LGSN: variants seen among roughly 807,000 people sequenced by gnomAD.
LGSN encodes lengsin, lens protein with glutamine synthetase domain, also known as lengsin.
A neutral mutation model predicts 19.5 loss-of-function variants in LGSN; 21 were observed. That is an observed-to-expected ratio of 1.07 (90% CI 0.76 to 1.55). LGSN has a LOEUF of 1.55. LGSN is among the 40% of genes most tolerant of loss of function. The pLI, the probability that LGSN is intolerant of heterozygous loss-of-function variation, is 0.00. For synonymous variants in LGSN, 257 were observed against 215.6 expected, an observed-to-expected ratio of 1.19 and a Z score of -1.68; for missense variants, 673 against 608.5, an observed-to-expected ratio of 1.11 and a Z score of -1.12.
chr6:63,400,051 G>A, the LGSN span, among the ~76,000 whole-genome samples: 1 of 152,020 alleles, frequency 6.6e-6, no homozygotes, highest in African/African-American at 2.4e-5. Context: ...TTTTGATATA[G>A]ACTTCAAATT....
chr6:63,331,863 C>T, the LGSN span, among the ~76,000 whole-genome samples: 5 of 152,148 alleles, frequency 3.3e-5, no homozygotes, highest in African/African-American at 9.6e-5. Flanking sequence ...ATTTAGTGGC[C>T]CATACCGACG....
At chr6:63,322,730 A>T (rs1228309666), upstream of LGSN, among the ~76,000 whole-genome samples, 1 of 152,220 alleles carries the variant, frequency 6.6e-6, no homozygotes, top group Non-Finnish European at 1.5e-5. Flanking sequence ...TCCCAGAAAT[A>T]CCTCATTTTC....
At chr6:63,432,175 GAAAGAAAGA>G in the LGSN span, among the ~76,000 whole-genome samples, 6 of 16,892 alleles carry the variant, frequency 3.6e-4, 1 homozygote, top group Non-Finnish European at 6.4e-4. Flanking sequence ...GAAAGAAAAG[GAAAGAAAGA>G]AAAGAAAAGA....
chr6:63,393,584 A>C, the LGSN span, among the ~76,000 whole-genome samples: 1 of 152,194 alleles, frequency 6.6e-6, no homozygotes, highest in African/African-American at 2.4e-5. Flanking sequence ...TCTTACCACA[A>C]GCACTATGAA....
At chr6:63,559,144 T>G in the LGSN span, among the ~76,000 whole-genome samples, 2 of 152,196 alleles carry the variant, frequency 1.3e-5, no homozygotes, top group African/African-American at 4.8e-5. Context: ...AATCAACAAG[T>G]TTGACTTCAC....
the LGSN span, among the ~76,000 whole-genome samples, chr6:63,328,983 T>A: frequency 6.6e-6 from 1 of 152,210 alleles, no homozygotes; most frequent in African/African-American, 2.4e-5. Context: ...AGGGCCCTGG[T>A]CCCTCTGGCT....
the LGSN span, among the ~76,000 whole-genome samples, chr6:63,461,401 T>C: frequency 6.6e-6 from 1 of 152,192 alleles, no homozygotes; most frequent in African/African-American, 2.4e-5. Context: ...TACTCCCTCA[T>C]CCTGAGATTT....
the LGSN span, among the ~76,000 whole-genome samples, chr6:63,401,535 T>C: frequency 6.6e-6 from 1 of 151,908 alleles, no homozygotes; most frequent in South Asian, 2.1e-4. Flanking sequence ...GGACAGAAAA[T>C]TTTGAGGTTA....
chr6:63,360,566 C>A, the LGSN span, among the ~76,000 whole-genome samples: 1 of 151,808 alleles, frequency 6.6e-6, no homozygotes, highest in African/African-American at 2.4e-5. Flanking sequence ...TTCATCTAAT[C>A]TTAAGGTTTT....
chr6:63,381,015 G>A, the LGSN span, among the ~76,000 whole-genome samples: 5 of 152,110 alleles, frequency 3.3e-5, no homozygotes, highest in East Asian at 3.9e-4. Context: ...TGGGCAACAC[G>A]GCAAAACCTC....
the LGSN span, chr6:63,549,347 C>G: frequency 1.7e-5 from 13 of 754,472 alleles, no homozygotes; most frequent in Non-Finnish European, 2.9e-5. Context: ...GGCCATTTCA[C>G]AAAGCTGGTT....
At chr6:63,390,875 A>T in the LGSN span, among the ~76,000 whole-genome samples, 6 of 148,820 alleles carry the variant, frequency 4.0e-5, no homozygotes, top group Non-Finnish European at 8.8e-5. Flanking sequence ...AAAAAAAAAA[A>T]AAGAAAAGAA....
the LGSN span, among the ~76,000 whole-genome samples, chr6:63,508,292 T>C: frequency 2.6e-5 from 4 of 152,204 alleles, no homozygotes; most frequent in East Asian, 1.9e-4. Context: ...AAACTGGTTA[T>C]AGAGATAGCC....
chr6:63,287,396 A>G (rs1212255758), intron 2 of LGSN, among the ~76,000 whole-genome samples: 1 of 152,200 alleles, frequency 6.6e-6, no homozygotes. Flanking sequence ...TAGGCATTTT[A>G]AAATATGGAA....
At chr6:63,298,885 C>T (rs1482335681) in intron 1 of LGSN, among the ~76,000 whole-genome samples, 2 of 152,138 alleles carry the variant, frequency 1.3e-5, no homozygotes, top group South Asian at 2.1e-4. Context: ...TTTTAAAAGC[C>T]TTTCAAAAGG....
chr6:63,387,819 T>G, the LGSN span, among the ~76,000 whole-genome samples: 1 of 152,062 alleles, frequency 6.6e-6, no homozygotes, highest in Non-Finnish European at 1.5e-5. Context: ...CCTGAGTAGC[T>G]AGATCTACAG....
the LGSN span, among the ~76,000 whole-genome samples, chr6:63,566,549 C>T: frequency 1.3e-5 from 2 of 152,184 alleles, no homozygotes; most frequent in South Asian, 2.1e-4. Flanking sequence ...GTGGGGAAAA[C>T]GGGTACCCTA....
chr6:63,302,753 T>G (rs1562014209), intron 1 of LGSN, among the ~76,000 whole-genome samples: 1 of 152,180 alleles, frequency 6.6e-6, no homozygotes, highest in Non-Finnish European at 1.5e-5. Flanking sequence ...ATAATATGAA[T>G]TCATTGTCGA....
the LGSN span, among the ~76,000 whole-genome samples, chr6:63,417,147 G>A: frequency 1.3e-5 from 2 of 152,104 alleles, no homozygotes; most frequent in Non-Finnish European, 2.9e-5. Context: ...CAGGCTGGAG[G>A]AAGAAAAGAC....
Sources: gnomAD v4.1 joint callset for allele counts (sites outside exome capture counted in the v4.1 genomes callset) on GRCh38, gnomAD v4.1.1 for gene constraint, MANE v1.5 for transcripts, NCBI Gene and HGNC (gene_info 2026-07-23, HGNC 2026-07-21) for gene names.